Variants in SPIDR observed in about 807,000 individuals in gnomAD.
SPIDR encodes the protein DNA repair-scaffolding protein.
In SPIDR, 93 loss-of-function variants were observed where a neutral mutation model predicts 104.6. The ratio of observed to expected loss-of-function variants is 0.89; its 90% CI spans 0.75 to 1.06. SPIDR has a LOEUF of 1.06. SPIDR is among the 50% of genes least tolerant of loss of function. The probability of loss-of-function intolerance (pLI) is 0.00; values close to 1 mark genes in which losing one functional copy is unlikely to be tolerated. For synonymous variants in SPIDR, 431 were observed against 416.9 expected (o/e 1.03, Z -0.41); for missense variants, 1,154 against 1,111.2 (o/e 1.04, Z -0.55).
In SPIDR at chr8:47,447,306, C is replaced by T. The variant is rs546260137; in HGVS notation, c.1097+6764C>T. Among the ~76,000 whole-genome samples, 22 of 152,250 alleles carry T rather than the reference C, an allele frequency of 1.4e-4. No individual in the cohort carries two copies. In the South Asian group the frequency reaches 2.5e-3, roughly 17 times the overall value. Reference sequence around the variant, plus strand: ...TCGGCTCACTGCAACCTCCGCCTCCCGGGCTCAAGCATTTCTTCTGCCTCA... The same window carrying T: ...TCGGCTCACTGCAACCTCCGCCTCCTGGGCTCAAGCATTTCTTCTGCCTCA... On this transcript the variant is annotated intron_variant, in intron 8 of 19. Coordinates refer to ENST00000297423, the MANE Select transcript of SPIDR (RefSeq NM_001080394.4).
rs28729659 is a variant in SPIDR, at chr8:47,658,750, C to T, written c.1545-15051C>T. Among the ~76,000 whole-genome samples, 6 of 151,858 alleles carry T rather than the reference C, an allele frequency of 4.0e-5. No individual in the cohort carries two copies. In the South Asian group the frequency reaches 6.2e-4, roughly 16 times the overall value. ...AGGAGTTCGAGACCAGCCTGGCCAACGTAGCGAAACCCCATCTCTACTAAA... is the reference window on the plus strand; with the variant it reads ...AGGAGTTCGAGACCAGCCTGGCCAATGTAGCGAAACCCCATCTCTACTAAA... On this transcript the variant is annotated intron_variant, in intron 10 of 19. Coordinates refer to ENST00000297423, the MANE Select transcript of SPIDR (RefSeq NM_001080394.4).
intron 11 of SPIDR, among the ~76,000 whole-genome samples, chr8:47,696,280 T>G (rs966785260): frequency 6.6e-6 from 1 of 152,234 alleles, no homozygotes; most frequent in East Asian, 1.9e-4. Flanking sequence ...TACTTAGATT[T>G]TGACAGCTTC....
chr8:47,456,580 A>G (rs1433943750), intron 8 of SPIDR, among the ~76,000 whole-genome samples: 2 of 152,110 alleles, frequency 1.3e-5, no homozygotes, highest in Non-Finnish European at 2.9e-5. Context: ...TTATATAACC[A>G]TTTGGTCCAA....
chr8:47,724,723 C>T (rs985566598), intron 16 of SPIDR, among the ~76,000 whole-genome samples: 1 of 152,208 alleles, frequency 6.6e-6, no homozygotes, highest in African/African-American at 2.4e-5. Context: ...AGCAGTCACT[C>T]ACTGAGAGCT....
chr8:47,499,977 C>CT (rs938071472), intron 8 of SPIDR, among the ~76,000 whole-genome samples: 1 of 152,096 alleles, frequency 6.6e-6, no homozygotes, highest in Non-Finnish European at 1.5e-5. Context: ...TGAACTCATC[C>CT]TTTTTTATGG....
chr8:47,597,816 G>A (rs2061795408), intron 9 of SPIDR, among the ~76,000 whole-genome samples: 1 of 152,146 alleles, frequency 6.6e-6, no homozygotes, highest in African/African-American at 2.4e-5. Flanking sequence ...CTTGCTGTGG[G>A]CATGAATGGC....
At chr8:47,709,209 C>T (rs770513635) in intron 14 of SPIDR, among the ~76,000 whole-genome samples, 20 of 152,106 alleles carry the variant, frequency 1.3e-4, no homozygotes, top group South Asian at 2.1e-4. Context: ...GGCATGACCT[C>T]GGCTCACTGC....
chr8:47,322,489 G>C (rs1186486464), intron 5 of SPIDR, among the ~76,000 whole-genome samples: 1 of 152,188 alleles, frequency 6.6e-6, no homozygotes, highest in South Asian at 2.1e-4. Flanking sequence ...CACCGTTGGT[G>C]GGACTGTAAA....
At chr8:47,569,767 T>A (rs2154404919) in intron 8 of SPIDR, among the ~76,000 whole-genome samples, 1 of 152,258 alleles carries the variant, frequency 6.6e-6, no homozygotes, top group East Asian at 1.9e-4. Flanking sequence ...TAAAAAGAAC[T>A]GATAGAAGTA....
At chr8:47,633,570 A>C (rs1306432947) in intron 10 of SPIDR, among the ~76,000 whole-genome samples, 1 of 151,380 alleles carries the variant, frequency 6.6e-6, no homozygotes, top group Non-Finnish European at 1.5e-5. Flanking sequence ...AAAAAAAAAA[A>C]AAACAAAAAC....
intron 19 of SPIDR, among the ~76,000 whole-genome samples, chr8:47,733,157 C>A (rs965390610): frequency 6.6e-6 from 1 of 152,180 alleles, no homozygotes; most frequent in Non-Finnish European, 1.5e-5. Context: ...GAGGCCCAGT[C>A]GGGCAGATCA....
chr8:47,260,996 G>C lies in SPIDR; in HGVS notation c.33+5G>C. 8.1e-7 allele frequency: 1 copy of C among 1,228,524 alleles called. No homozygotes were observed. Among genetic ancestry groups the C allele is most frequent in the Non-Finnish European group, 1.0e-6 (1 of 985,708 alleles). The allele number at this position is 1,228,524 out of a possible 1,614,324, so 76.1% of individuals were successfully genotyped here. On this transcript the variant is annotated splice_donor_5th_base_variant and intron_variant, in intron 1 of 19. Transcript: ENST00000297423. ...AGCCGCGCTCGGGGCTCTAAGGTAG[G>C]CTCTGGGGCGGGAGTGGGCGCCGCG... is the stretch of plus-strand genomic sequence containing the variant.
intron 8 of SPIDR, chr8:47,592,254 G>T (rs1196139086): frequency 5.5e-6 from 7 of 1,271,428 alleles, no homozygotes; most frequent in Non-Finnish European, 8.0e-6. Context: ...GGATCGTCTG[G>T]ATTGGGAGCA....
At position 47,609,048 on chromosome 8, in the gene SPIDR, T is replaced by C. The variant is rs2063318656; in HGVS notation, c.1544+9852T>C. ...GGCTGAGCATCTTTTCATAGGCTAT[T>C]GGCCATTTGTATATCTTCTTTAGAG... On this transcript the variant is annotated intron_variant, in intron 10 of 19. Coordinates refer to ENST00000297423, the MANE Select transcript of SPIDR (RefSeq NM_001080394.4). 2.0e-5 allele frequency among the ~76,000 whole-genome samples: 3 copies of C among 152,236 alleles called. No homozygotes were observed. In the South Asian group the frequency reaches 6.2e-4, roughly 31 times the overall value.
chr8:47,466,260 A>G (rs1365096832), intron 8 of SPIDR, among the ~76,000 whole-genome samples: 1 of 152,196 alleles, frequency 6.6e-6, no homozygotes, highest in East Asian at 1.9e-4. Flanking sequence ...AAGATTGACC[A>G]CATAATTGGA....
chr8:47,413,964 G>T (rs1297518557), intron 7 of SPIDR, among the ~76,000 whole-genome samples: 2 of 152,146 alleles, frequency 1.3e-5, no homozygotes, highest in African/African-American at 4.8e-5. Flanking sequence ...GAAGACAAGG[G>T]ATTGAGGAGT....
intron 16 of SPIDR, among the ~76,000 whole-genome samples, chr8:47,725,373 T>C (rs968048025): frequency 1.3e-5 from 2 of 152,168 alleles, no homozygotes; most frequent in Non-Finnish European, 2.9e-5. Context: ...CTGATGCTCA[T>C]TTAAGTGAAT....
At chr8:47,442,549 G>A (rs1210615969) in intron 8 of SPIDR, among the ~76,000 whole-genome samples, 1 of 152,164 alleles carries the variant, frequency 6.6e-6, no homozygotes, top group African/African-American at 2.4e-5. Context: ...GTGCACAGCA[G>A]CACAGGACTT....
intron 10 of SPIDR, among the ~76,000 whole-genome samples, chr8:47,616,041 T>C (rs892082152): frequency 6.6e-6 from 1 of 152,230 alleles, no homozygotes; most frequent in Admixed American, 6.5e-5. Flanking sequence ...TCCTGCAACT[T>C]TGCTGAAGTT....
Sources: gnomAD v4.1 joint callset for allele counts (sites outside exome capture counted in the v4.1 genomes callset) on GRCh38, gnomAD v4.1.1 for gene constraint, MANE v1.5 for transcripts, NCBI Gene and HGNC (gene_info 2026-07-23, HGNC 2026-07-21) for gene names.